Variants in LRBA observed in about 807,000 individuals in gnomAD.
LRBA encodes lipopolysaccharide-responsive and beige-like anchor protein.
Under a neutral mutation model 330.0 loss-of-function variants are expected in LRBA, and 176 were observed. The ratio of observed to expected loss-of-function variants is 0.53; its 90% CI spans 0.47 to 0.60. The LOEUF (loss-of-function observed/expected upper bound fraction) is 0.60. Among genes scored for constraint, LRBA ranks in the 20% least tolerant of loss-of-function variants. The pLI, the probability that LRBA is intolerant of heterozygous loss-of-function variation, is 0.00. For missense variants in LRBA, 3,259 were observed against 3,444.8 expected (o/e 0.95, Z 1.35); for synonymous variants, 1,230 against 1,193.0 (o/e 1.03, Z -0.64).
intron 37 of LRBA, among the ~76,000 whole-genome samples, chr4:150,641,842 A>C (rs1260770133): frequency 1.3e-5 from 2 of 152,054 alleles, no homozygotes. Flanking sequence ...TTATCAGATC[A>C]AGCAAATCAC....
intron 30 of LRBA, among the ~76,000 whole-genome samples, chr4:150,827,849 A>G (rs1043204930): frequency 6.6e-6 from 1 of 151,888 alleles, no homozygotes; most frequent in African/African-American, 2.4e-5. Flanking sequence ...TGATCCACAC[A>G]CTTCAACCTC....
chr4:150,683,696 C>A lies in LRBA; in HGVS notation c.5776G>T (p.Ala1926Ser). The A allele has an allele frequency of 6.2e-7, 1 of 1,610,514 alleles. No homozygotes were observed. The highest frequency in any genetic ancestry group is 8.5e-7 in the Non-Finnish European group (1 of 1,178,008). ...EFESLCAQYS[A>S]DKREDEKMCD... ...ATCTTCTCATCTTCTCGTTTGTCTG[C>A]AGAATACTGGGCACACAGTGACTTG... Residue 1926 changes from alanine to serine, a missense_variant, in exon 37 of 57, where the codon GCA becomes TCA. Physicochemically the swap from Ala to Ser is moderately conservative, Grantham distance 99. Transcript: ENST00000651943.
intron 36 of LRBA, among the ~76,000 whole-genome samples, chr4:150,701,590 A>C (rs1383689109): frequency 1.3e-5 from 2 of 152,222 alleles, no homozygotes; most frequent in African/African-American, 4.8e-5. Context: ...TGCGTCATTT[A>C]CCAAAACATC....
At position 150,265,745 on chromosome 4, in the gene LRBA, G is replaced by T; in HGVS notation, c.8536C>A (p.His2846Asn). ...LFYNDFNRWH[H>N]EYQTRY Reference sequence around the variant, plus strand: ...CATCAGTAGCGGGTTTGGTATTCATGATGCCACCGGTTAAAGTCGTTGTAA... The same window carrying T: ...CATCAGTAGCGGGTTTGGTATTCATTATGCCACCGGTTAAAGTCGTTGTAA... The change falls in exon 57 of 57, where the codon CAT (histidine) becomes AAT (asparagine). Residue 2846 changes from histidine to asparagine, a missense_variant. His to Asn is a moderately conservative substitution (Grantham distance 68). Transcript: ENST00000651943. 1 of 1,613,486 alleles carries T rather than the reference G, an allele frequency of 6.2e-7. No individual in the cohort carries two copies. Among genetic ancestry groups the T allele is most frequent in the Non-Finnish European group, 8.5e-7 (1 of 1,179,412 alleles).
intron 53 of LRBA, among the ~76,000 whole-genome samples, chr4:150,292,564 T>G (rs1728452813): frequency 6.6e-6 from 1 of 152,226 alleles, no homozygotes; most frequent in Admixed American, 6.5e-5. Context: ...GATACTTAGT[T>G]TAGATGACTC....
intron 55 of LRBA, among the ~76,000 whole-genome samples, chr4:150,281,375 G>C (rs1364312024): frequency 6.6e-6 from 1 of 152,174 alleles, no homozygotes; most frequent in Non-Finnish European, 1.5e-5. Flanking sequence ...GTGGAGACAA[G>C]AAGGAAGCCG....
intron 2 of LRBA, among the ~76,000 whole-genome samples, chr4:150,996,069 CA>C (rs34323309): frequency 0.87 from 108,909 of 125,188 alleles, 47,534 homozygotes; most frequent in East Asian, 0.99. Context: ...CAACAACAAC[CA>C]AAAAAAAAAA....
In LRBA at chr4:150,996,069, C is replaced by CA. The variant is rs34323309; in HGVS notation, c.216+18357dup. Among the ~76,000 whole-genome samples the CA allele has an allele frequency of 6.2e-4, 78 of 125,206 alleles. 1 individual carries two copies. The highest frequency in any genetic ancestry group is 2.0e-3 in the African/African-American group (70 of 34,256). The allele number at this position is 125,206 out of a possible 152,430, so 82.1% of individuals were successfully genotyped here. Reference sequence around the variant, plus strand: ...GGAAATAATAATGATCAACAACAACCAAAAAAAAAAAAAAAAAGTCAAGAT... The same window carrying CA: ...GGAAATAATAATGATCAACAACAACCAAAAAAAAAAAAAAAAAAGTCAAGAT... On this transcript the variant is annotated intron_variant, in intron 2 of 56. Coordinates refer to ENST00000651943, the MANE Select transcript of LRBA (RefSeq NM_001364905.1).
chr4:150,964,194 A>G (rs1218794163), intron 2 of LRBA, among the ~76,000 whole-genome samples: 3 of 138,584 alleles, frequency 2.2e-5, no homozygotes, highest in Non-Finnish European at 4.6e-5. Flanking sequence ...CAGCCACCCC[A>G]TCTGGGAAGT....
chr4:150,289,908 T>G (rs1580911627), intron 53 of LRBA, among the ~76,000 whole-genome samples: 1 of 152,270 alleles, frequency 6.6e-6, no homozygotes, highest in Middle Eastern at 3.4e-3. Flanking sequence ...CCACTTGCAA[T>G]GAAATTACTG....
intron 47 of LRBA, among the ~76,000 whole-genome samples, chr4:150,357,666 A>T (rs558079103): frequency 0.046 from 6,356 of 137,390 alleles, 394 homozygotes; most frequent in African/African-American, 0.16. Flanking sequence ...TTTTTTTTTT[A>T]AAAAAAACCT....
chr4:150,903,722 C>T (rs62344596), intron 13 of LRBA, among the ~76,000 whole-genome samples: 14,919 of 151,886 alleles, frequency 0.098, 1,586 homozygotes, highest in African/African-American at 0.27. Context: ...TGAGACCCTG[C>T]GTCAAAAAAA....
At chr4:150,639,218 G>A (rs1467969894) in intron 37 of LRBA, among the ~76,000 whole-genome samples, 1 of 140,850 alleles carries the variant, frequency 7.1e-6, no homozygotes, top group Admixed American at 7.2e-5. Flanking sequence ...TAGGGGAAGG[G>A]GGGAGGGGGG....
intron 28 of LRBA, among the ~76,000 whole-genome samples, chr4:150,836,845 T>C (rs1279894540): frequency 6.6e-6 from 1 of 152,224 alleles, no homozygotes; most frequent in Non-Finnish European, 1.5e-5. Context: ...AGCTTTTGAA[T>C]CTGTTTGCTC....
intron 34 of LRBA, among the ~76,000 whole-genome samples, chr4:150,779,777 C>T (rs538395726): frequency 5.7e-4 from 86 of 151,948 alleles, no homozygotes; most frequent in Non-Finnish European, 1.1e-3. Flanking sequence ...TTTCTGACAG[C>T]GTAATTCCAA....
intron 35 of LRBA, among the ~76,000 whole-genome samples, chr4:150,740,801 A>G (rs1731848983): frequency 6.6e-6 from 1 of 152,128 alleles, no homozygotes; most frequent in African/African-American, 2.4e-5. Context: ...GATGAGTTCA[A>G]ATTTAATTCT....
intron 48 of LRBA, among the ~76,000 whole-genome samples, chr4:150,330,631 G>A (rs1414242051): frequency 1.3e-5 from 2 of 152,076 alleles, no homozygotes; most frequent in Admixed American, 6.6e-5. Flanking sequence ...TTTGCATTCC[G>A]ATGACAATCT....
At chr4:150,633,800 T>C (rs1581870456) in intron 37 of LRBA, among the ~76,000 whole-genome samples, 2 of 152,318 alleles carry the variant, frequency 1.3e-5, no homozygotes, top group South Asian at 2.1e-4. Context: ...TTCTGGTCCT[T>C]GTACTCAGGC....
chr4:150,817,014 G>C, intron 31 of LRBA, 110 bp downstream of exon 31: 1 of 852,582 alleles, frequency 1.2e-6, no homozygotes, highest in Non-Finnish European at 1.9e-6. Context: ...CAGTATAAAA[G>C]TACAATGGTT....
Sources: gnomAD v4.1 joint callset for allele counts (sites outside exome capture counted in the v4.1 genomes callset) on GRCh38, gnomAD v4.1.1 for gene constraint, MANE v1.5 for transcripts, NCBI Gene and HGNC (gene_info 2026-07-23, HGNC 2026-07-21) for gene names.